Variants in ATG10 observed in about 807,000 individuals in gnomAD.
ATG10 encodes the protein autophagy related 10.
Under a neutral mutation model 32.1 loss-of-function variants are expected in ATG10, and 30 were observed. The ratio of observed to expected loss-of-function variants is 0.94; its 90% CI spans 0.70 to 1.27. The LOEUF is 1.27. ATG10 is among the 50% of genes most tolerant of loss of function. ATG10 has a pLI of 0.00. For synonymous variants in ATG10, 87 were observed against 91.5 expected (o/e 0.95, Z 0.28); for missense variants, 233 against 262.3 (o/e 0.89, Z 0.77).
At chr5:82,143,932 T>C (rs1022803558) in intron 3 of ATG10, among the ~76,000 whole-genome samples, 4 of 152,218 alleles carry the variant, frequency 2.6e-5, no homozygotes, top group African/African-American at 9.6e-5. Context: ...AAATATTTTG[T>C]AGAGCTTTAC....
chr5:82,087,738 C>T (rs1034672708), intron 3 of ATG10, among the ~76,000 whole-genome samples: 2 of 152,010 alleles, frequency 1.3e-5, no homozygotes, highest in Admixed American at 1.3e-4. Context: ...GAGCACATGA[C>T]TAACTTTAGA....
rs1297529133 is a variant in ATG10 at position 82,253,468 on chromosome 5, A to G, written c.*4+39A>G. Reference sequence around the variant, plus strand: ...CTGGATTTAATGTTTTGCCGTTACAAAGATCAATGTCTCCATTGCATTTAG... The same window carrying G: ...CTGGATTTAATGTTTTGCCGTTACAGAGATCAATGTCTCCATTGCATTTAG... On this transcript the variant is annotated intron_variant, in intron 7 of 7. Coordinates refer to ENST00000282185, the MANE Select transcript of ATG10 (RefSeq NM_031482.5). The G allele has an allele frequency of 4.5e-6, 6 of 1,324,340 alleles. No homozygotes were observed. In the East Asian group the frequency reaches 9.3e-5, roughly 20 times the overall value. The allele number at this position is 1,324,340 out of a possible 1,614,324, so 82.0% of individuals were successfully genotyped here.
chr5:82,059,452 C>G (rs2149751806), intron 3 of ATG10, among the ~76,000 whole-genome samples: 1 of 150,108 alleles, frequency 6.7e-6, no homozygotes, highest in African/African-American at 2.5e-5. Flanking sequence ...GGACATCTTT[C>G]CATGTCAGTA....
chr5:82,176,565 C>T (rs1744035603), intron 4 of ATG10, among the ~76,000 whole-genome samples: 1 of 151,816 alleles, frequency 6.6e-6, no homozygotes, highest in African/African-American at 2.4e-5. Context: ...CACACCAATA[C>T]ACACACACAC....
intron 3 of ATG10, among the ~76,000 whole-genome samples, chr5:82,061,064 G>A (rs190724155): frequency 6.6e-6 from 1 of 152,224 alleles, no homozygotes; most frequent in Non-Finnish European, 1.5e-5. Context: ...GCTTGGTCCA[G>A]TGATTTCATT....
intron 2 of ATG10, among the ~76,000 whole-genome samples, chr5:82,006,090 G>T (rs968636036): frequency 6.6e-6 from 1 of 152,092 alleles, no homozygotes; most frequent in African/African-American, 2.4e-5. Context: ...AATTTAAACT[G>T]ATTTTTATGA....
At chr5:82,140,068 G>A (rs1485975531) in intron 3 of ATG10, among the ~76,000 whole-genome samples, 1 of 139,610 alleles carries the variant, frequency 7.2e-6, no homozygotes, top group African/African-American at 2.7e-5. Flanking sequence ...AGGGAGGTGG[G>A]AGGGTCAGCC....
rs988889181 is a variant in ATG10 at position 82,141,280 on chromosome 5, G to A, written c.217-23119G>A. On this transcript the variant is annotated intron_variant, in intron 3 of 7. Transcript: ENST00000282185. ...AGTAGGATATAGTAATTAATAACTT[G>A]TTACTTGAATTTTTTTTGTTATTGA... Among the ~76,000 whole-genome samples the A allele has an allele frequency of 1.1e-4, 16 of 151,436 alleles. No individual in the cohort carries two copies. The East Asian group carries it at 3.1e-3, about 29-fold the overall frequency.
At chr5:82,173,894 G>C (rs1290865154) in intron 4 of ATG10, among the ~76,000 whole-genome samples, 1 of 152,090 alleles carries the variant, frequency 6.6e-6, no homozygotes, top group Non-Finnish European at 1.5e-5. Flanking sequence ...ACTTAACCAA[G>C]TATTTATGTC....
At chr5:82,161,134 A>G (rs1743322278) in intron 3 of ATG10, among the ~76,000 whole-genome samples, 1 of 152,228 alleles carries the variant, frequency 6.6e-6, no homozygotes, top group Admixed American at 6.5e-5. Context: ...AATGGGCATC[A>G]TAAAGGTGAC....
At chr5:82,060,236 T>G (rs2860007) in intron 3 of ATG10, among the ~76,000 whole-genome samples, 77,973 of 151,994 alleles carry the variant, frequency 0.51, 20,653 homozygotes, top group African/African-American at 0.62. Context: ...AAAATTGAAA[T>G]AATTTTGCAG....
chr5:82,087,280 T>G (rs1225065694), intron 3 of ATG10, among the ~76,000 whole-genome samples: 1 of 152,084 alleles, frequency 6.6e-6, no homozygotes, highest in Non-Finnish European at 1.5e-5. Flanking sequence ...GACTGAAGGA[T>G]GGGTTATATT....
intron 5 of ATG10, among the ~76,000 whole-genome samples, chr5:82,235,981 GT>G (rs1581835907): frequency 1.3e-5 from 2 of 152,146 alleles, no homozygotes; most frequent in Non-Finnish European, 2.9e-5. Flanking sequence ...GTTTTTGGCT[GT>G]TGACTCTAAT....
At chr5:82,105,542 G>T (rs1454444409) in intron 3 of ATG10, among the ~76,000 whole-genome samples, 1 of 152,110 alleles carries the variant, frequency 6.6e-6, no homozygotes, top group Non-Finnish European at 1.5e-5. Flanking sequence ...ACATATTCAT[G>T]AATTGAAATT....
At chr5:82,109,047 G>A (rs1170738842) in intron 3 of ATG10, among the ~76,000 whole-genome samples, 1 of 152,076 alleles carries the variant, frequency 6.6e-6, no homozygotes, top group Non-Finnish European at 1.5e-5. Context: ...CAGAGAAAGT[G>A]TATAGACTAA....
At chr5:82,250,329 T>C (rs1471445735) in intron 5 of ATG10, among the ~76,000 whole-genome samples, 1 of 152,112 alleles carries the variant, frequency 6.6e-6, no homozygotes, top group Non-Finnish European at 1.5e-5. Context: ...TTTTAGTCCA[T>C]TTAGGCTGTC....
At chr5:81,977,088 C>A (rs1760894499) in intron 1 of ATG10, among the ~76,000 whole-genome samples, 1 of 152,154 alleles carries the variant, frequency 6.6e-6, no homozygotes, top group Admixed American at 6.5e-5. Context: ...TTTGCCCAGG[C>A]TGGTCTTGAA....
intron 1 of ATG10, among the ~76,000 whole-genome samples, chr5:81,984,050 C>T (rs911968709): frequency 2.6e-5 from 4 of 152,230 alleles, no homozygotes; most frequent in East Asian, 1.9e-4. Context: ...GCTGCAATCT[C>T]GGCACTTTGG....
intron 2 of ATG10, among the ~76,000 whole-genome samples, chr5:82,027,079 TAAA>T (rs1762614881): frequency 1.7e-4 from 2 of 11,576 alleles, no homozygotes. Context: ...ATAAATAAAA[TAAA>T]TAAATAAATA....
Sources: allele counts gnomAD v4.1 joint callset (sites outside exome capture counted in the v4.1 genomes callset), GRCh38; gene constraint gnomAD v4.1.1; transcripts MANE v1.5; gene names NCBI Gene and HGNC (gene_info 2026-07-23, HGNC 2026-07-21).